Variants in SMARCB1 observed in about 807,000 individuals in gnomAD.
The protein encoded by SMARCB1 is SWI/SNF related BAF chromatin remodeling complex subunit B1.
Under a neutral mutation model 49.0 loss-of-function variants are expected in SMARCB1, and 5 were observed. That is an observed-to-expected ratio of 0.10 (90% confidence interval 0.05 to 0.21). The LOEUF is 0.21. SMARCB1 is among the 10% of genes least tolerant of loss of function. The probability of loss-of-function intolerance (pLI) is 1.00; values close to 1 mark genes in which losing one functional copy is unlikely to be tolerated. For synonymous variants in SMARCB1, 201 were observed against 200.1 expected (o/e 1.00, Z -0.04); for missense variants, 226 against 509.2 (o/e 0.44, Z 5.35).
chr22:23,812,677 A>G (rs1484027860), intron 5 of SMARCB1, among the ~76,000 whole-genome samples: 1 of 152,186 alleles, frequency 6.6e-6, no homozygotes, highest in Non-Finnish European at 1.5e-5. Flanking sequence ...CAATATTTGA[A>G]GCTCAATCAA....
intron 5 of SMARCB1, chr22:23,816,379 C>A: frequency 2.7e-6 from 1 of 376,962 alleles, no homozygotes; most frequent in Non-Finnish European, 5.0e-6. Flanking sequence ...AGCCTCTGTG[C>A]CATCACGTCT....
intron 7 of SMARCB1, 72 bp from the exon 8 acceptor site, chr22:23,833,500 G>A (rs984092842): frequency 1.9e-5 from 31 of 1,604,532 alleles, no homozygotes; most frequent in Non-Finnish European, 2.6e-5. Context: ...ACAGACAGGG[G>A]CCAAAGCTTT....
chr22:23,813,706 T>A (rs570030817), intron 5 of SMARCB1, among the ~76,000 whole-genome samples: 2 of 152,332 alleles, frequency 1.3e-5, no homozygotes, highest in Admixed American at 1.3e-4. Flanking sequence ...TTCCCCAAAT[T>A]GATATACAGA....
chr22:23,788,858 T>G (rs1401571758), intron 1 of SMARCB1, among the ~76,000 whole-genome samples: 3 of 151,266 alleles, frequency 2.0e-5, no homozygotes. Context: ...TTTCCACCAT[T>G]TTTTTTTTCT....
rs1254005720 is a variant in SMARCB1, at chr22:23,836,835, C to T, written c.*2655C>T. 4 of 1,437,968 alleles carry T rather than the reference C, an allele frequency of 2.8e-6. No homozygotes were observed. The highest frequency in any genetic ancestry group is 3.7e-6 in the Non-Finnish European group (4 of 1,094,350). The allele number at this position is 1,437,968 out of a possible 1,614,324, so 89.1% of individuals were successfully genotyped here. On this transcript the variant is annotated 3_prime_UTR_variant, in exon 9 of 9. Transcript: ENST00000644036. ...GGGGTCATGGGTAGGATGGAAGCTG[C>T]CAGAAGCCTCTTAGGCCTGGCCCTG...
At position 23,837,690 on chromosome 22, in the gene SMARCB1, C is replaced by G; in HGVS notation, c.*3510C>G. 6.2e-7 allele frequency: 1 copy of G among 1,613,766 alleles called. No individual in the cohort carries two copies. Among genetic ancestry groups the G allele is most frequent in the Non-Finnish European group, 8.5e-7 (1 of 1,179,882 alleles). On this transcript the variant is annotated 3_prime_UTR_variant, in exon 9 of 9. Transcript: ENST00000644036. ...GGTCCACGAGGATGGAGTTGCCCAG[C>G]AGCAGCGAGAAGCCCATGAGCGCCC...
chr22:23,801,689 G>T, intron 4 of SMARCB1: 1 of 292,516 alleles, frequency 3.4e-6, no homozygotes, highest in South Asian at 3.3e-5. Flanking sequence ...AAACTTCCCT[G>T]TCTCTCTCTT....
In SMARCB1 at chr22:23,837,903, G is replaced by A; in HGVS notation, c.*3723G>A. ...GGTGCAGGCCTCAGCCCAAGCCCAG[G>A]GCCCCTCTGACTTCCCAAGACCCTG... On this transcript the variant is annotated 3_prime_UTR_variant, in exon 9 of 9. Coordinates refer to ENST00000644036, the MANE Select transcript of SMARCB1 (RefSeq NM_003073.5). 2 of 1,556,894 alleles carry A rather than the reference G, an allele frequency of 1.3e-6. No individual in the cohort carries two copies. Among genetic ancestry groups the A allele is most frequent in the Non-Finnish European group, 8.7e-7 (1 of 1,148,328 alleles).
chr22:23,813,087 G>C (rs978744337), intron 5 of SMARCB1, among the ~76,000 whole-genome samples: 1 of 152,012 alleles, frequency 6.6e-6, no homozygotes, highest in Non-Finnish European at 1.5e-5. Context: ...GGAATGTCTC[G>C]AACTCCTGAC....
Position 23,834,274 on chromosome 22 carries a change from C to T in SMARCB1, c.*94C>T. 1 of 1,352,626 alleles carries T rather than the reference C, an allele frequency of 7.4e-7. No individual in the cohort carries two copies. The highest frequency in any genetic ancestry group is 1.2e-5 in the South Asian group (1 of 80,288). The allele number at this position is 1,352,626 out of a possible 1,614,324, so 83.8% of individuals were successfully genotyped here. The stretch of plus-strand genomic sequence containing the variant: ...GCAAGGACAGAGGCGAGGGGACAGC[C>T]CAGCGCCATCCTGAGGATCGGGTGG... On this transcript the variant is annotated 3_prime_UTR_variant, in exon 9 of 9. Coordinates refer to ENST00000644036, the MANE Select transcript of SMARCB1 (RefSeq NM_003073.5).
chr22:23,817,110 C>G (rs1930241538), intron 6 of SMARCB1, 174 bp downstream of exon 6: 3 of 638,368 alleles, frequency 4.7e-6, no homozygotes, highest in Non-Finnish European at 8.5e-6. Context: ...AGGGCATAGG[C>G]TGAGTTCTCA....
At position 23,837,061 on chromosome 22, in the gene SMARCB1, C is replaced by CA. The variant is rs2031113648; in HGVS notation, c.*2882dup. 6.2e-7 allele frequency: 1 copy of CA among 1,613,596 alleles called. No individual in the cohort carries two copies. Among genetic ancestry groups the CA allele is most frequent in the African/African-American group, 1.3e-5 (1 of 74,876 alleles). The stretch of plus-strand genomic sequence containing the variant: ...AGAGGGAGGGAGGGCTCTCAACACT[C>CA]ACAGGAAGCCAGGGGTCTGCAGGAG... On this transcript the variant is annotated 3_prime_UTR_variant, in exon 9 of 9. Coordinates refer to ENST00000644036, the MANE Select transcript of SMARCB1 (RefSeq NM_003073.5).
rs1223721651 is a variant in SMARCB1, at chr22:23,837,907, CCT to C, written c.*3730_*3731del. On this transcript the variant is annotated 3_prime_UTR_variant, in exon 9 of 9. Coordinates refer to ENST00000644036, the MANE Select transcript of SMARCB1 (RefSeq NM_003073.5). ...CAGGCCTCAGCCCAAGCCCAGGGCCCCTCTGACTTCCCAAGACCCTGGAATTC... is the reference window on the plus strand; with the variant it reads ...CAGGCCTCAGCCCAAGCCCAGGGCCCCTGACTTCCCAAGACCCTGGAATTC... The C allele has an allele frequency of 4.6e-6, 7 of 1,537,252 alleles. No individual in the cohort carries two copies. Among genetic ancestry groups the C allele is most frequent in the Non-Finnish European group, 5.3e-6 (6 of 1,135,172 alleles).
At chr22:23,824,676 A>T (rs1455916695) in intron 6 of SMARCB1, 1 of 165,316 alleles carries the variant, frequency 6.0e-6, no homozygotes, top group Non-Finnish European at 1.3e-5. Flanking sequence ...TCCTCTGGGG[A>T]ATGTGGAGGA....
intron 5 of SMARCB1, among the ~76,000 whole-genome samples, chr22:23,811,005 C>A (rs1929835634): frequency 6.7e-6 from 1 of 148,922 alleles, no homozygotes; most frequent in African/African-American, 2.5e-5. Flanking sequence ...CCATTGCACT[C>A]CAGCCTGGGC....
chr22:23,795,025 A>C (rs1928650437), intron 3 of SMARCB1, among the ~76,000 whole-genome samples: 1 of 152,214 alleles, frequency 6.6e-6, no homozygotes, highest in Non-Finnish European at 1.5e-5. Context: ...TTTATACAAC[A>C]AACTTGGATA....
At chr22:23,817,118 T>A in intron 6 of SMARCB1, 182 bp downstream of exon 6, 1 of 635,172 alleles carries the variant, frequency 1.6e-6, no homozygotes. Context: ...GGCTGAGTTC[T>A]CATAGTAAAG....
rs577038054 is a variant in SMARCB1 at position 23,804,603 on chromosome 22, G to T, written c.628+1181G>T. On this transcript the variant is annotated intron_variant, in intron 5 of 8. Transcript: ENST00000644036. ...CTGTCGCCCAGGCTGGAGTGCGGTG[G>T]CACGATCTCGGCTCACTGCAACCTC... is the stretch of plus-strand genomic sequence containing the variant. Among the ~76,000 whole-genome samples, 43 of 152,282 alleles carry T rather than the reference G, an allele frequency of 2.8e-4. No homozygotes were observed. In the South Asian group the frequency reaches 8.5e-3, roughly 30 times the overall value.
At chr22:23,806,913 C>CT (rs764768717) in intron 5 of SMARCB1, among the ~76,000 whole-genome samples, 2 of 111,602 alleles carry the variant, frequency 1.8e-5, no homozygotes, top group South Asian at 6.0e-4. Flanking sequence ...GAGTGAGACT[C>CT]TATCTCAAAA....
Sources: allele counts gnomAD v4.1 joint callset (sites outside exome capture counted in the v4.1 genomes callset), GRCh38; gene constraint gnomAD v4.1.1; transcripts MANE v1.5; gene names NCBI Gene and HGNC (gene_info 2026-07-23, HGNC 2026-07-21).